CDK17: variants seen among roughly 807,000 people sequenced by gnomAD.
CDK17 encodes cyclin dependent kinase 17.
Under a neutral mutation model 77.6 loss-of-function variants are expected in CDK17, and 24 were observed. That is an observed-to-expected ratio of 0.31 (90% confidence interval 0.22 to 0.44). The LOEUF is 0.44. CDK17 is among the 20% of genes least tolerant of loss of function. The probability of loss-of-function intolerance (pLI) is 1.00; values close to 1 mark genes in which losing one functional copy is unlikely to be tolerated. For missense variants in CDK17, 429 were observed against 622.5 expected (o/e 0.69, Z 3.31); for synonymous variants, 203 against 210.4 (o/e 0.96, Z 0.30).
At chr12:96,297,045 G>A (rs1180448429) in intron 9 of CDK17, among the ~76,000 whole-genome samples, 1 of 152,054 alleles carries the variant, frequency 6.6e-6, no homozygotes, top group African/African-American at 2.4e-5. Flanking sequence ...AATGTGAAAT[G>A]TCAAAAGAAT....
intron 16 of CDK17, 194 bp from the exon 17 acceptor site, chr12:96,280,473 C>A: frequency 7.1e-7 from 1 of 1,413,538 alleles, no homozygotes; most frequent in African/African-American, 1.4e-5. Flanking sequence ...AGTGATGAAC[C>A]TGATGACTAG....
At chr12:96,330,288 T>A (rs1952948874) in intron 2 of CDK17, among the ~76,000 whole-genome samples, 2 of 150,984 alleles carry the variant, frequency 1.3e-5, no homozygotes, top group South Asian at 4.2e-4. Flanking sequence ...TCTGCTGCAG[T>A]GACAGCAAAA....
chr12:96,398,844 T>C lies in CDK17; in HGVS notation c.-30+1142A>G, dbSNP rs558570855. On this transcript the variant is annotated intron_variant, in intron 1 of 16. Coordinates refer to ENST00000261211, the MANE Select transcript of CDK17 (RefSeq NM_002595.5). ...AATTTGACGAAGAGGTGATAGAACATGACCAACGAGGTGTCTTTGGTGGAC... is the reference window on the plus strand; with the variant it reads ...AATTTGACGAAGAGGTGATAGAACACGACCAACGAGGTGTCTTTGGTGGAC... Among the ~76,000 whole-genome samples, 6 of 152,264 alleles carry C rather than the reference T, an allele frequency of 3.9e-5. No individual in the cohort carries two copies. In the East Asian group the frequency reaches 1.2e-3, roughly 29 times the overall value.
chr12:96,371,663 C>T (rs990153747), intron 1 of CDK17, among the ~76,000 whole-genome samples: 3 of 151,774 alleles, frequency 2.0e-5, no homozygotes, highest in South Asian at 4.2e-4. Context: ...ACCCAGGGGG[C>T]GGAGACTGTG....
chr12:96,317,277 T>C (rs1488424288), intron 3 of CDK17, among the ~76,000 whole-genome samples: 1 of 142,808 alleles, frequency 7.0e-6, no homozygotes, highest in Non-Finnish European at 1.5e-5. Flanking sequence ...GAGCAAAGCC[T>C]CCAAGAAATA....
chr12:96,326,993 T>C (rs1015720140), intron 2 of CDK17, among the ~76,000 whole-genome samples: 5 of 152,138 alleles, frequency 3.3e-5, no homozygotes, highest in Non-Finnish European at 7.4e-5. Flanking sequence ...GGGTTAAAGA[T>C]AGTAGGAGGT....
At chr12:96,353,605 C>CA (rs1555204869) in intron 1 of CDK17, among the ~76,000 whole-genome samples, 3 of 140,944 alleles carry the variant, frequency 2.1e-5, no homozygotes, top group African/African-American at 5.2e-5. Flanking sequence ...TAAAAGGTGG[C>CA]GGGGGGGGGC....
At chr12:96,304,899 T>A (rs1476640964) in intron 5 of CDK17, among the ~76,000 whole-genome samples, 1 of 152,242 alleles carries the variant, frequency 6.6e-6, no homozygotes, top group African/African-American at 2.4e-5. Flanking sequence ...AAGGTCTATA[T>A]AGTCTATTGG....
intron 1 of CDK17, among the ~76,000 whole-genome samples, chr12:96,342,290 A>C (rs982569810): frequency 6.6e-5 from 10 of 152,272 alleles, no homozygotes; most frequent in African/African-American, 2.4e-4. Flanking sequence ...ACAAATACCC[A>C]ACACACTCTA....
rs552836348 is a variant in CDK17 at position 96,303,654 on chromosome 12, G to C, written c.544-3294C>G. The C allele has an allele frequency of 2.0e-5, 3 of 151,956 alleles. No individual in the cohort carries two copies. The East Asian group carries it at 5.8e-4, about 29-fold the overall frequency. The allele number at this position is 151,956 out of a possible 1,614,324, so 9.4% of individuals were successfully genotyped here. A position where few individuals can be genotyped will look rare whatever the true frequency, so the allele number is the denominator to read the frequency against. ...CAAATTCCTATTCAGATGGCTCTTA[G>C]AGTATAAACACATGAAAATTCTAAA... On this transcript the variant is annotated intron_variant, in intron 5 of 16. Transcript: ENST00000261211.
At chr12:96,374,459 A>C (rs1427105074) in intron 1 of CDK17, among the ~76,000 whole-genome samples, 1 of 152,196 alleles carries the variant, frequency 6.6e-6, no homozygotes. Flanking sequence ...TGAGTGCTTC[A>C]TTGCCTCAAA....
At chr12:96,355,733 A>C (rs1436880818) in intron 1 of CDK17, among the ~76,000 whole-genome samples, 3 of 152,078 alleles carry the variant, frequency 2.0e-5, no homozygotes, top group African/African-American at 7.2e-5. Flanking sequence ...GATTCCCTCC[A>C]CTAGAATGTG....
chr12:96,280,574 CT>C (rs146056572), intron 16 of CDK17: 71 of 1,414,778 alleles, frequency 5.0e-5, no homozygotes, highest in Non-Finnish European at 6.2e-5. Context: ...TTTGTGCCAT[CT>C]GCAGCTTTCA....
intron 2 of CDK17, among the ~76,000 whole-genome samples, chr12:96,326,265 A>G (rs1952890286): frequency 6.6e-6 from 1 of 152,206 alleles, no homozygotes; most frequent in Admixed American, 6.5e-5. Flanking sequence ...CTGGGCATCA[A>G]CTGGTGAACA....
At chr12:96,304,499 T>C (rs1362779448) in intron 5 of CDK17, among the ~76,000 whole-genome samples, 8 of 152,034 alleles carry the variant, frequency 5.3e-5, no homozygotes, top group African/African-American at 1.9e-4. Context: ...ATCGTGCCAC[T>C]GCACTCCAGC....
chr12:96,316,966 T>C (rs1418976476), intron 3 of CDK17, among the ~76,000 whole-genome samples: 1,566 of 149,908 alleles, frequency 0.01, 47 homozygotes, highest in Admixed American at 0.064. Flanking sequence ...AGAATGACTT[T>C]GACGAGCTGA....
At chr12:96,344,070 A>G (rs906091323) in intron 1 of CDK17, among the ~76,000 whole-genome samples, 1 of 152,230 alleles carries the variant, frequency 6.6e-6, no homozygotes, top group Non-Finnish European at 1.5e-5. Flanking sequence ...AAAATTCACT[A>G]GAGTGGTTCA....
intron 10 of CDK17, among the ~76,000 whole-genome samples, chr12:96,292,585 A>T (rs1485975734): frequency 2.0e-5 from 3 of 152,182 alleles, no homozygotes; most frequent in Non-Finnish European, 4.4e-5. Flanking sequence ...AGCCAGGGTG[A>T]CAGAGCAAGA....
intron 1 of CDK17, among the ~76,000 whole-genome samples, chr12:96,372,551 C>T (rs1185500840): frequency 6.6e-6 from 1 of 152,098 alleles, no homozygotes; most frequent in Non-Finnish European, 1.5e-5. Flanking sequence ...TCCAAGCATA[C>T]TCTATCATCT....
Sources: allele counts gnomAD v4.1 joint callset (sites outside exome capture counted in the v4.1 genomes callset), GRCh38; gene constraint gnomAD v4.1.1; transcripts MANE v1.5; gene names NCBI Gene and HGNC (gene_info 2026-07-23, HGNC 2026-07-21).